The following DLC1 variants were observed in gnomAD, a reference collection of about 807,000 sequenced individuals.
The protein encoded by DLC1 is DLC1 Rho GTPase activating protein, also known as rho GTPase-activating protein 7.
In DLC1, 54 loss-of-function variants were observed where a neutral mutation model predicts 140.3. The observed-to-expected ratio is 0.38, with a 90% confidence interval of 0.31 to 0.48. The LOEUF is 0.48. DLC1 is among the 20% of genes least tolerant of loss of function. The pLI is 0.96. For synonymous variants in DLC1, 986 were observed against 728.1 expected (o/e 1.35, Z -5.70); for missense variants, 2,536 against 1,907.0 (o/e 1.33, Z -6.14).
chr8:13,240,472 G>A (rs1829495734), intron 5 of DLC1, among the ~76,000 whole-genome samples: 1 of 152,076 alleles, frequency 6.6e-6, no homozygotes, highest in African/African-American at 2.4e-5. Context: ...CCAGGCTGGA[G>A]TCCAGTTATA....
intron 5 of DLC1, among the ~76,000 whole-genome samples, chr8:13,162,291 CAAT>C (rs540615604): frequency 9.1e-4 from 136 of 149,610 alleles, no homozygotes; most frequent in African/African-American, 3.2e-3. Flanking sequence ...CTTGGCAACT[CAAT>C]GATGGTAGTC....
chr8:13,498,679 G>C (rs1321262768), intron 2 of DLC1, among the ~76,000 whole-genome samples: 1 of 152,104 alleles, frequency 6.6e-6, no homozygotes, highest in African/African-American at 2.4e-5. Context: ...TGCTATAACA[G>C]TACCATGACT....
intron 4 of DLC1, among the ~76,000 whole-genome samples, chr8:13,306,028 C>G (rs1444866776): frequency 6.6e-6 from 1 of 152,112 alleles, no homozygotes; most frequent in Non-Finnish European, 1.5e-5. Flanking sequence ...TCTTACCTCT[C>G]AAGGCTCAGG....
rs1802169184 is a variant in DLC1, at chr8:13,507,831, T to C, written c.-126+6771A>G. Among the ~76,000 whole-genome samples, 3 of 152,176 alleles carry C rather than the reference T, an allele frequency of 2.0e-5. No homozygotes were observed. In the South Asian group the frequency reaches 6.2e-4, roughly 32 times the overall value. On this transcript the variant is annotated intron_variant, in intron 1 of 17. Coordinates refer to ENST00000276297, the MANE Select transcript of DLC1 (RefSeq NM_182643.3). ...TCTATAATGAGCCAAGTAAGGGGAA[T>C]AAGTAGTGTTTCACTTTTTCCAAAA...
At chr8:13,523,646 T>A (rs989282278) in intron 1 of DLC1, among the ~76,000 whole-genome samples, 1 of 152,128 alleles carries the variant, frequency 6.6e-6, no homozygotes, top group Non-Finnish European at 1.5e-5. Flanking sequence ...CTATTAGATT[T>A]AAGAAAGCAG....
chr8:13,446,664 G>C (rs1056885670), intron 2 of DLC1, among the ~76,000 whole-genome samples: 6 of 152,122 alleles, frequency 3.9e-5, no homozygotes, highest in South Asian at 2.1e-4. Flanking sequence ...AATAAGAAAA[G>C]GAATGGTGGT....
chr8:13,085,447 C>T lies in DLC1; in HGVS notation c.*364G>A, dbSNP rs1165242568. The T allele has an allele frequency of 5.8e-6, 1 of 172,264 alleles. No individual in the cohort carries two copies. Among genetic ancestry groups the T allele is most frequent in the Non-Finnish European group, 1.3e-5 (1 of 79,618 alleles). The allele number at this position is 172,264 out of a possible 1,614,324, so 10.7% of individuals were successfully genotyped here. ...CAGTGGATACACCAGTCCCTCAACA[C>T]ACTGCAAATAAAGCGACACAGGTAC... On this transcript the variant is annotated 3_prime_UTR_variant, in exon 18 of 18. Transcript: ENST00000276297.
intron 4 of DLC1, among the ~76,000 whole-genome samples, chr8:13,319,727 G>A (rs973024536): frequency 4.0e-5 from 6 of 150,764 alleles, no homozygotes; most frequent in Non-Finnish European, 5.9e-5. Flanking sequence ...AAATTACCCA[G>A]TATCGGGTAG....
At chr8:13,571,717 C>G (rs1004373434) in intron 1 of DLC1, among the ~76,000 whole-genome samples, 5 of 152,196 alleles carry the variant, frequency 3.3e-5, no homozygotes, top group Admixed American at 1.3e-4. Context: ...CTTTTGGGTC[C>G]ATACTTAGAA....
intron 2 of DLC1, among the ~76,000 whole-genome samples, chr8:13,441,918 C>G (rs1411620257): frequency 1.3e-5 from 2 of 152,158 alleles, no homozygotes; most frequent in African/African-American, 4.8e-5. Flanking sequence ...GCCAAAAGAA[C>G]AAAGCTGGAG....
At position 13,289,715 on chromosome 8, in the gene DLC1, G is replaced by T. The variant is rs370424181; in HGVS notation, c.1348+15554C>A. Among the ~76,000 whole-genome samples the T allele has an allele frequency of 1.2e-3, 184 of 152,264 alleles. 2 individuals carry two copies. Among genetic ancestry groups the T allele is most frequent in the Middle Eastern group, 3.4e-3 (1 of 294 alleles). The stretch of plus-strand genomic sequence containing the variant: ...AAAATTTAGCCCTGGGGAGGAGAAG[G>T]GGGTATACAACGCTAGAGAATTTTG... On this transcript the variant is annotated intron_variant, in intron 5 of 17. Transcript: ENST00000276297.
At chr8:13,293,878 G>C (rs1025460673) in intron 5 of DLC1, among the ~76,000 whole-genome samples, 27 of 152,192 alleles carry the variant, frequency 1.8e-4, no homozygotes, top group African/African-American at 6.3e-4. Flanking sequence ...TAATACAGTA[G>C]ATTTGTCTCA....
intron 5 of DLC1, among the ~76,000 whole-genome samples, chr8:13,287,800 T>C (rs1831587033): frequency 6.6e-6 from 1 of 151,688 alleles, no homozygotes; most frequent in Non-Finnish European, 1.5e-5. Context: ...AAAGGATACA[T>C]GGAGAAAGGA....
intron 4 of DLC1, among the ~76,000 whole-genome samples, chr8:13,317,848 C>T (rs938770109): frequency 1.3e-5 from 2 of 152,000 alleles, no homozygotes; most frequent in Admixed American, 1.3e-4. Context: ...CAGTTATAGT[C>T]CTCAAAGTGG....
intron 2 of DLC1, among the ~76,000 whole-genome samples, chr8:13,436,602 T>C (rs1427015034): frequency 6.6e-6 from 1 of 152,208 alleles, no homozygotes; most frequent in African/African-American, 2.4e-5. Context: ...GTTTTTTATT[T>C]TTTTAAGCAG....
intron 2 of DLC1, among the ~76,000 whole-genome samples, chr8:13,455,536 T>C (rs909364335): frequency 3.3e-5 from 5 of 152,188 alleles, no homozygotes; most frequent in African/African-American, 1.2e-4. Flanking sequence ...TCGGGAAGAC[T>C]CTACAGCTCC....
intron 5 of DLC1, among the ~76,000 whole-genome samples, chr8:13,289,098 C>A (rs1164377128): frequency 6.6e-6 from 1 of 152,146 alleles, no homozygotes; most frequent in Non-Finnish European, 1.5e-5. Context: ...CTAAGGCATT[C>A]GGTGCTCATG....
intron 4 of DLC1, among the ~76,000 whole-genome samples, chr8:13,317,294 G>A (rs977626223): frequency 6.6e-6 from 1 of 152,170 alleles, no homozygotes; most frequent in Admixed American, 6.5e-5. Context: ...AAACGTTAGT[G>A]TCCAGACTGA....
rs57585674 is a variant in DLC1, at chr8:13,319,821, CT to C, written c.1315-14520del. Among the ~76,000 whole-genome samples the C allele has an allele frequency of 8.5e-3, 755 of 88,992 alleles. 7 individuals are homozygous for C. Among genetic ancestry groups the C allele is most frequent in the African/African-American group, 0.033 (715 of 21,988 alleles). The allele number at this position is 88,992 out of a possible 152,430, so 58.4% of individuals were successfully genotyped here. A position where few individuals can be genotyped will look rare whatever the true frequency, so the allele number is the denominator to read the frequency against. Reference sequence around the variant, plus strand: ...AACCATTGTTTAATTCTCTCTCTCTCTTTTTTTTTTTTTTTTTTTGAGATGG... The same window carrying C: ...AACCATTGTTTAATTCTCTCTCTCTCTTTTTTTTTTTTTTTTTTGAGATGG... On this transcript the variant is annotated intron_variant, in intron 4 of 17. Coordinates refer to ENST00000276297, the MANE Select transcript of DLC1 (RefSeq NM_182643.3).
Sources: allele counts gnomAD v4.1 joint callset (sites outside exome capture counted in the v4.1 genomes callset), GRCh38; gene constraint gnomAD v4.1.1; transcripts MANE v1.5; gene names NCBI Gene and HGNC (gene_info 2026-07-23, HGNC 2026-07-21).